PPP6R3: variants seen among roughly 807,000 people sequenced by gnomAD.
PPP6R3 encodes the protein serine/threonine-protein phosphatase 6 regulatory subunit 3.
In PPP6R3, 38 loss-of-function variants were observed where a neutral mutation model predicts 110.7. That is an observed-to-expected ratio of 0.34 (90% CI 0.26 to 0.45). The LOEUF is 0.45. Among genes scored for constraint, PPP6R3 ranks in the 20% least tolerant of loss-of-function variants. PPP6R3 has a pLI of 1.00. For synonymous variants in PPP6R3, 369 were observed against 373.5 expected (o/e 0.99, Z 0.14); for missense variants, 870 against 1,062.4 (o/e 0.82, Z 2.52).
intron 8 of PPP6R3, among the ~76,000 whole-genome samples, chr11:68,562,714 C>T (rs555230037): frequency 2.0e-5 from 3 of 152,154 alleles, no homozygotes; most frequent in South Asian, 2.1e-4. Flanking sequence ...CTATGCAGAA[C>T]GTTGGACTTT....
chr11:68,487,743 T>C (rs1319012729), intron 1 of PPP6R3, among the ~76,000 whole-genome samples: 1 of 152,216 alleles, frequency 6.6e-6, no homozygotes, highest in African/African-American at 2.4e-5. Context: ...CATTGTGGTC[T>C]GAGAGTACAT....
chr11:68,535,068 A>G (rs2099262696), intron 2 of PPP6R3, among the ~76,000 whole-genome samples: 1 of 152,204 alleles, frequency 6.6e-6, no homozygotes, highest in South Asian at 2.1e-4. Flanking sequence ...TCTAAGATTT[A>G]TATCCACTGA....
chr11:68,552,990 A>G (rs2099386807), intron 6 of PPP6R3, among the ~76,000 whole-genome samples: 1 of 152,192 alleles, frequency 6.6e-6, no homozygotes, highest in Non-Finnish European at 1.5e-5. Flanking sequence ...GTATTAAGTG[A>G]TGAATTCCAT....
At chr11:68,461,449 A>C (rs375863716) in intron 1 of PPP6R3, among the ~76,000 whole-genome samples, 2 of 120,866 alleles carry the variant, frequency 1.7e-5, no homozygotes, top group East Asian at 2.8e-4. Flanking sequence ...GGTGGCTTGT[A>C]TGTAAACTGT....
At chr11:68,463,280 A>G (rs1014497960) in intron 1 of PPP6R3, among the ~76,000 whole-genome samples, 1 of 150,446 alleles carries the variant, frequency 6.6e-6, no homozygotes, top group African/African-American at 2.5e-5. Flanking sequence ...GAGGCAGGAG[A>G]ATCGCTTAAA....
At chr11:68,552,028 G>T (rs570507442) in intron 6 of PPP6R3, among the ~76,000 whole-genome samples, 30 of 152,300 alleles carry the variant, frequency 2.0e-4, no homozygotes, top group African/African-American at 7.0e-4. Context: ...TTTGCAGATT[G>T]AACTCTGTGC....
At chr11:68,512,068 A>G (rs2099113656) in intron 1 of PPP6R3, among the ~76,000 whole-genome samples, 1 of 152,178 alleles carries the variant, frequency 6.6e-6, no homozygotes, top group Admixed American at 6.5e-5. Flanking sequence ...TATAGGAGCT[A>G]GACCTGTTGA....
At chr11:68,553,564 A>G (rs1023306619) in intron 6 of PPP6R3, among the ~76,000 whole-genome samples, 1 of 152,114 alleles carries the variant, frequency 6.6e-6, no homozygotes, top group African/African-American at 2.4e-5. Context: ...AAGTGCTGGG[A>G]TTACAGGTGT....
intron 1 of PPP6R3, among the ~76,000 whole-genome samples, chr11:68,488,051 A>G (rs2098959499): frequency 6.6e-6 from 1 of 152,248 alleles, no homozygotes; most frequent in Non-Finnish European, 1.5e-5. Flanking sequence ...GTTATTAGGC[A>G]AATACACATT....
intron 23 of PPP6R3, among the ~76,000 whole-genome samples, chr11:68,612,007 T>C (rs757634881): frequency 6.6e-6 from 1 of 152,238 alleles, no homozygotes; most frequent in Non-Finnish European, 1.5e-5. Flanking sequence ...CTGAGCATGC[T>C]GCACACATTA....
At chr11:68,517,080 A>AT (rs1489945111) in intron 1 of PPP6R3, among the ~76,000 whole-genome samples, 1 of 144,772 alleles carries the variant, frequency 6.9e-6, no homozygotes, top group East Asian at 2.0e-4. Flanking sequence ...TATTTATCTG[A>AT]TTTCCTCTCT....
chr11:68,472,537 C>T lies in PPP6R3; in HGVS notation c.-158+11710C>T, dbSNP rs138114048. Among the ~76,000 whole-genome samples the T allele has an allele frequency of 4.1e-3, 626 of 151,616 alleles. 2 individuals carry two copies. Among genetic ancestry groups the T allele is most frequent in the African/African-American group, 0.014 (598 of 41,288 alleles). ...TACCTCTTTACCTCACTACCAGCACCGTCCTACATCCTTGCTAGCCCTTGG... is the reference window on the plus strand; with the variant it reads ...TACCTCTTTACCTCACTACCAGCACTGTCCTACATCCTTGCTAGCCCTTGG... On this transcript the variant is annotated intron_variant, in intron 1 of 23. Coordinates refer to ENST00000393800, the MANE Select transcript of PPP6R3 (RefSeq NM_001164161.2).
intron 8 of PPP6R3, among the ~76,000 whole-genome samples, chr11:68,562,394 A>G (rs1485398190): frequency 6.6e-6 from 1 of 152,238 alleles, no homozygotes; most frequent in Non-Finnish European, 1.5e-5. Context: ...ATTCAATGCA[A>G]TTCCGAACAA....
At chr11:68,510,722 G>A (rs1406807915) in intron 1 of PPP6R3, among the ~76,000 whole-genome samples, 3 of 152,178 alleles carry the variant, frequency 2.0e-5, no homozygotes, top group African/African-American at 7.2e-5. Flanking sequence ...AAGACAAACA[G>A]GAGTCCTTAA....
intron 3 of PPP6R3, among the ~76,000 whole-genome samples, chr11:68,543,403 G>GTTT (rs58332211): frequency 1.5e-4 from 22 of 146,908 alleles, no homozygotes; most frequent in Admixed American, 5.4e-4. Context: ...TGCCAGGTCT[G>GTTT]TTTTTTTTTT....
rs71043441 is a variant in PPP6R3, at chr11:68,580,746, CTTTTTTTTTTTTTTTTTTTTTTTT to C, written c.1546-2277_1546-2254del. ...CAAGTTTCCCCCATGGGTAAATAAT[CTTTTTTTTTTTTTTTTTTTTTTTT>C]TTTTTTTTTTTTTTTTTTTGAGACA... On this transcript the variant is annotated intron_variant, in intron 14 of 23. Transcript: ENST00000393800. Among the ~76,000 whole-genome samples the C allele has an allele frequency of 2.3e-3, 153 of 67,524 alleles. 1 individual carries two copies. The highest frequency in any genetic ancestry group is 6.0e-3 in the African/African-American group (117 of 19,420). The allele number at this position is 67,524 out of a possible 152,430, so 44.3% of individuals were successfully genotyped here.
chr11:68,570,124 C>T (rs959235533), intron 11 of PPP6R3, among the ~76,000 whole-genome samples: 3 of 152,136 alleles, frequency 2.0e-5, no homozygotes, highest in Non-Finnish European at 1.5e-5. Flanking sequence ...AGCTAAGTGG[C>T]CTCCTTATTT....
chr11:68,575,696 T>C (rs990764036), intron 13 of PPP6R3, among the ~76,000 whole-genome samples: 16 of 152,230 alleles, frequency 1.1e-4, no homozygotes, highest in African/African-American at 3.9e-4. Flanking sequence ...ACCTTAGGGC[T>C]CTTGGCCTCA....
chr11:68,538,810 AT>A (rs2099288342), intron 3 of PPP6R3, among the ~76,000 whole-genome samples: 1 of 152,178 alleles, frequency 6.6e-6, no homozygotes, highest in Non-Finnish European at 1.5e-5. Flanking sequence ...TCACTCAGAG[AT>A]TAGTGTCTTA....
Sources: allele counts gnomAD v4.1 joint callset (sites outside exome capture counted in the v4.1 genomes callset), GRCh38; gene constraint gnomAD v4.1.1; transcripts MANE v1.5; gene names NCBI Gene and HGNC (gene_info 2026-07-23, HGNC 2026-07-21).